Variants in SBNO2 observed in about 807,000 individuals in gnomAD.
SBNO2 encodes protein strawberry notch homolog 2.
SBNO2 carries 89 observed loss-of-function variants against 146.3 expected under a neutral mutation model. The observed-to-expected ratio is 0.61, with a 90% CI of 0.51 to 0.73. The LOEUF is 0.73. Among genes scored for constraint, SBNO2 ranks in the 30% least tolerant of loss-of-function variants. The pLI, the probability that SBNO2 is intolerant of heterozygous loss-of-function variation, is 0.00. For synonymous variants in SBNO2, 1,147 were observed against 892.6 expected (o/e 1.29, Z -5.08); for missense variants, 2,092 against 2,003.7 (o/e 1.04, Z -0.84).
At position 1,116,005 on chromosome 19, in the gene SBNO2, G is replaced by C. The variant is rs775576263; in HGVS notation, c.1885+16C>G. On this transcript the variant is annotated intron_variant, in intron 17 of 31. Transcript: ENST00000361757. ...GAGGGGCAGGGGTGGGTGGGGCCAT[G>C]GGGGGCAGGGCTTACGTTTCCGCTT... The C allele has an allele frequency of 4.9e-5, 79 of 1,601,084 alleles. No homozygotes were observed. Among genetic ancestry groups the C allele is most frequent in the Non-Finnish European group, 6.1e-5 (72 of 1,175,286 alleles).
intron 19 of SBNO2, among the ~76,000 whole-genome samples, 197 bp from the exon 20 acceptor site, chr19:1,113,146 A>G (rs2079787410): frequency 6.6e-6 from 1 of 152,164 alleles, no homozygotes; most frequent in Non-Finnish European, 1.5e-5. Context: ...TGGTATTATC[A>G]GCCAGCCGGC....
At chr19:1,169,372 G>A (rs1264917052) in intron 1 of SBNO2, among the ~76,000 whole-genome samples, 2 of 152,318 alleles carry the variant, frequency 1.3e-5, no homozygotes, top group Non-Finnish European at 2.9e-5. Context: ...TGAGCTTCAG[G>A]GCCACGCTGC....
chr19:1,160,936 T>C (rs187911497), intron 1 of SBNO2, among the ~76,000 whole-genome samples: 1 of 151,046 alleles, frequency 6.6e-6, no homozygotes, highest in East Asian at 2.0e-4. Flanking sequence ...GCATTTGCTC[T>C]GGACGGCCCC....
intron 2 of SBNO2, among the ~76,000 whole-genome samples, chr19:1,152,811 A>C (rs1011217229): frequency 6.6e-6 from 1 of 152,178 alleles, no homozygotes; most frequent in Admixed American, 6.5e-5. Context: ...GTCCTGGAGC[A>C]GGTCCTGCTG....
intron 4 of SBNO2, among the ~76,000 whole-genome samples, chr19:1,129,442 AC>A (rs2080003512): frequency 1.3e-5 from 2 of 151,232 alleles, no homozygotes; most frequent in Admixed American, 1.3e-4. Context: ...CCAAACAGAG[AC>A]CCCCGGGACA....
intron 1 of SBNO2, among the ~76,000 whole-genome samples, chr19:1,164,420 CAGGAGGAGG>C (rs1325727843): frequency 2.8e-3 from 32 of 11,540 alleles, no homozygotes; most frequent in East Asian, 0.013. Context: ...GGAGGAGGAA[CAGGAGGAGG>C]AGGAGGAGGA....
chr19:1,160,781 C>T (rs893700416), intron 1 of SBNO2, among the ~76,000 whole-genome samples: 20 of 152,120 alleles, frequency 1.3e-4, no homozygotes, highest in Non-Finnish European at 2.6e-4. Context: ...CCGCCCGCCT[C>T]GGCCTCCCAA....
chr19:1,108,384 TGAA>T lies in SBNO2; in HGVS notation c.3934_3936del (p.Phe1312del). 1 of 1,285,472 alleles carries T rather than the reference TGAA, an allele frequency of 7.8e-7. No homozygotes were observed. The highest frequency in any genetic ancestry group is 9.9e-7 in the Non-Finnish European group (1 of 1,010,236). The allele number at this position is 1,285,472 out of a possible 1,614,324, so 79.6% of individuals were successfully genotyped here. ...CGCAGCATGTCCTCCAGCACCTCCT[TGAA>T]GTTGATGTCGCAGCCCTGGTGCGCG... On this transcript the variant is annotated inframe_deletion, in exon 32 of 32. Transcript: ENST00000361757.
intron 4 of SBNO2, among the ~76,000 whole-genome samples, chr19:1,141,967 C>T (rs1262493715): frequency 6.6e-6 from 1 of 151,756 alleles, no homozygotes; most frequent in Non-Finnish European, 1.5e-5. Flanking sequence ...CAGAATCTCC[C>T]AGGCACAGTG....
At chr19:1,160,983 G>T (rs1013512663) in intron 1 of SBNO2, among the ~76,000 whole-genome samples, 2 of 149,520 alleles carry the variant, frequency 1.3e-5, no homozygotes, top group African/African-American at 5.0e-5. Context: ...GGAAAGAAAG[G>T]GTGGAGGGTC....
chr19:1,133,419 C>A (rs1199648248), intron 4 of SBNO2, among the ~76,000 whole-genome samples: 1 of 152,134 alleles, frequency 6.6e-6, no homozygotes, highest in African/African-American at 2.4e-5. Flanking sequence ...GAGAGTGGGA[C>A]CAGGGGGCCC....
chr19:1,166,623 A>G (rs879910440), intron 1 of SBNO2, among the ~76,000 whole-genome samples: 101 of 22,886 alleles, frequency 4.4e-3, no homozygotes, highest in African/African-American at 0.012. Context: ...ACGCGCACAC[A>G]CACACACACA....
At chr19:1,166,593 C>T (rs989380661) in intron 1 of SBNO2, among the ~76,000 whole-genome samples, 4 of 144,696 alleles carry the variant, frequency 2.8e-5, no homozygotes, top group African/African-American at 1.0e-4. Context: ...GCCTGGGCAA[C>T]AGAGCGAGAC....
At chr19:1,124,097 C>T (rs1475868466) in intron 5 of SBNO2, 75 bp from the exon 6 acceptor site, 3 of 1,400,346 alleles carry the variant, frequency 2.1e-6, no homozygotes, top group Admixed American at 1.9e-5. Flanking sequence ...AGCCTGGCCA[C>T]CAGAGGGAGG....
Position 1,172,648 on chromosome 19 carries a change from G to C in SBNO2, c.-127+1524C>G, listed in dbSNP as rs865865789. Among the ~76,000 whole-genome samples the C allele has an allele frequency of 3.9e-5, 6 of 152,292 alleles. No homozygotes were observed. In the Middle Eastern group the frequency reaches 0.014, roughly 345 times the overall value. ...GAGGAAGAGGCCTGGAAGAAAGTTT[G>C]AAGCCTGTAATCCCCGTGTAATCGG... On this transcript the variant is annotated intron_variant, in intron 1 of 31. Coordinates refer to ENST00000361757, the MANE Select transcript of SBNO2 (RefSeq NM_014963.3).
intron 1 of SBNO2, among the ~76,000 whole-genome samples, chr19:1,163,962 C>T (rs566970282): frequency 6.6e-6 from 1 of 152,336 alleles, no homozygotes; most frequent in East Asian, 1.9e-4. Context: ...GAAAGGTGTA[C>T]TGGCCAGACT....
chr19:1,108,146 G>GC lies in SBNO2; in HGVS notation c.*73dup. The GC allele has an allele frequency of 7.1e-7, 1 of 1,415,852 alleles. No individual in the cohort carries two copies. Among genetic ancestry groups the GC allele is most frequent in the African/African-American group, 1.5e-5 (1 of 65,834 alleles). 87.7% of individuals were successfully genotyped at this position (1,415,852 alleles called of 1,614,324 possible). A position where few individuals can be genotyped will look rare whatever the true frequency, so the allele number is the denominator to read the frequency against. ...TCTGAGCAGTGGTCAGGGGACCTTGGCCCTGCTCCCCACCGCTGCTCCTAG... is the reference window on the plus strand; with the variant it reads ...TCTGAGCAGTGGTCAGGGGACCTTGGCCCCTGCTCCCCACCGCTGCTCCTAG... On this transcript the variant is annotated 3_prime_UTR_variant, in exon 32 of 32. Transcript: ENST00000361757.
At position 1,109,606 on chromosome 19, in the gene SBNO2, G is replaced by A. The variant is rs748585775; in HGVS notation, c.3124-8C>T. On this transcript the variant is annotated splice_region_variant and splice_polypyrimidine_tract_variant and intron_variant, in intron 27 of 31. Coordinates refer to ENST00000361757, the MANE Select transcript of SBNO2 (RefSeq NM_014963.3). This position sits in a 1 kb window ranked among gnomAD's most constrained non-coding sequence, Gnocchi z 4.2. ...GCCGCGGTCCACGCTGATCTGCCAC[G>A]GCACGGGGTGGGGGGGTGTGAGTGT... 1.3e-5 allele frequency: 20 copies of A among 1,570,366 alleles called. No homozygotes were observed. The highest frequency in any genetic ancestry group is 7.0e-5 in the South Asian group (6 of 85,742).
In SBNO2 at chr19:1,113,715, G is replaced by C. The variant is rs777675409; in HGVS notation, c.2078-11C>G. ...GGAGGCACAGGGGTCCTAGGGAGGA[G>C]GTGGAGGGTCAGGGCAGGACATGTT... On this transcript the variant is annotated splice_polypyrimidine_tract_variant and intron_variant, in intron 18 of 31. Transcript: ENST00000361757. 7 of 1,526,538 alleles carry C rather than the reference G, an allele frequency of 4.6e-6. No individual in the cohort carries two copies. The highest frequency in any genetic ancestry group is 6.1e-6 in the Non-Finnish European group (7 of 1,138,900). The allele number at this position is 1,526,538 out of a possible 1,614,324, so 94.6% of individuals were successfully genotyped here.
Sources: allele counts gnomAD v4.1 joint callset (sites outside exome capture counted in the v4.1 genomes callset), GRCh38; gene constraint gnomAD v4.1.1; non-coding constraint Gnocchi (gnomAD v3.1); transcripts MANE v1.5; gene names NCBI Gene and HGNC (gene_info 2026-07-23, HGNC 2026-07-21).